The following STXBP2 variants were observed in gnomAD, a reference collection of about 807,000 sequenced individuals.
STXBP2 encodes the protein syntaxin-binding protein 2.
Under a neutral mutation model 72.2 loss-of-function variants are expected in STXBP2, and 47 were observed. That is an observed-to-expected ratio of 0.65 (90% CI 0.51 to 0.83). The LOEUF is 0.83. Ranked by LOEUF, STXBP2 falls within the 40% of genes least tolerant of loss-of-function variation. The pLI is 0.00. For missense variants in STXBP2, 702 were observed against 807.6 expected, an observed-to-expected ratio of 0.87 and a Z score of 1.58; for synonymous variants, 367 against 338.7, an observed-to-expected ratio of 1.08 and a Z score of -0.92.
In STXBP2 at chr19:7,639,621, C is replaced by T. The variant is rs544500494; in HGVS notation, c.170-110C>T. The T allele has an allele frequency of 3.9e-4, 394 of 1,002,734 alleles. 2 individuals carry two copies. The African/African-American group carries it at 5.8e-3, about 15-fold the overall frequency. The allele number at this position is 1,002,734 out of a possible 1,614,324, so 62.1% of individuals were successfully genotyped here. ...TAAGTGGGTTTCTCCTGCAGTCCCT[C>T]CTAAGCATCCACCCCTCCTCCCCAA... On this transcript the variant is annotated intron_variant, in intron 3 of 18. Coordinates refer to ENST00000221283, the MANE Select transcript of STXBP2 (RefSeq NM_006949.4).
rs568278397 is a variant in STXBP2 at position 7,645,128 on chromosome 19, C to T, written c.1247-69C>T. On this transcript the variant is annotated intron_variant, in intron 14 of 18. Transcript: ENST00000221283. Reference sequence around the variant, plus strand: ...AGAGTCCTGGGAGCTCCTCAGCCCACCCCAAACTCCCCTAAACCTGGGAGC... The same window carrying T: ...AGAGTCCTGGGAGCTCCTCAGCCCATCCCAAACTCCCCTAAACCTGGGAGC... 3.7e-5 allele frequency: 56 copies of T among 1,515,460 alleles called. No homozygotes were observed. In the African/African-American group the frequency reaches 7.2e-4, roughly 20 times the overall value. 93.9% of individuals were successfully genotyped at this position (1,515,460 alleles called of 1,614,324 possible).
upstream of STXBP2, chr19:7,633,067 C>T (rs1450057402): frequency 5.2e-6 from 7 of 1,343,896 alleles, no homozygotes; most frequent in Non-Finnish European, 5.9e-6. Flanking sequence ...CACGTGGTAC[C>T]GCTTCAAGGG....
chr19:7,635,218 C>T (rs760979120), upstream of STXBP2, among the ~76,000 whole-genome samples: 4 of 152,138 alleles, frequency 2.6e-5, no homozygotes, highest in Non-Finnish European at 4.4e-5. Flanking sequence ...GAGGGTTCCC[C>T]GCCTTCCCCT....
chr19:7,641,858 G>C lies in STXBP2; in HGVS notation c.578+5G>C, dbSNP rs909094372. ...CCCGGCCATCCGCTACCGCAAGTGG[G>C]GACCCCACCCAGCCCCACCCCGATG... On this transcript the variant is annotated splice_donor_5th_base_variant and intron_variant, in intron 7 of 18. Coordinates refer to ENST00000221283, the MANE Select transcript of STXBP2 (RefSeq NM_006949.4). The C allele has an allele frequency of 6.4e-7, 1 of 1,556,214 alleles. No homozygotes were observed. Among genetic ancestry groups the C allele is most frequent in the Non-Finnish European group, 8.7e-7 (1 of 1,150,784 alleles).
chr19:7,629,821 C>G, the STXBP2 span: 4 of 1,536,632 alleles, frequency 2.6e-6, no homozygotes, highest in South Asian at 1.2e-5. Flanking sequence ...CTTTGTTGAC[C>G]GGGAGAAACG....
At chr19:7,631,033 AC>A in the STXBP2 span, 4 of 798,154 alleles carry the variant, frequency 5.0e-6, no homozygotes, top group Non-Finnish European at 7.8e-6. Flanking sequence ...ACATGGCGAA[AC>A]CCCATGTCTA....
At chr19:7,646,170 A>T in intron 15 of STXBP2, 79 bp from the exon 16 acceptor site, 1 of 1,244,538 alleles carries the variant, frequency 8.0e-7, no homozygotes, top group Non-Finnish European at 1.1e-6. Flanking sequence ...CCACCCTACC[A>T]GCCACACCAG....
chr19:7,638,994 T>A, intron 2 of STXBP2, 25 bp from the exon 3 acceptor site: 1 of 1,613,218 alleles, frequency 6.2e-7, no homozygotes, highest in Non-Finnish European at 8.5e-7. Flanking sequence ...TGCTCCTCCA[T>A]CCATCTGTCC....
chr19:7,638,407 G>C (rs1409397396), intron 1 of STXBP2, among the ~76,000 whole-genome samples: 2 of 152,166 alleles, frequency 1.3e-5, no homozygotes, highest in East Asian at 1.9e-4. Flanking sequence ...TTTGAGACCA[G>C]CTTGGGCAAC....
Position 7,644,261 on chromosome 19 carries a change from G to C in STXBP2, c.1108-353G>C, listed in dbSNP as rs560834525. On this transcript the variant is annotated intron_variant, in intron 13 of 18. Coordinates refer to ENST00000221283, the MANE Select transcript of STXBP2 (RefSeq NM_006949.4). ...GGGTGAGGGGTGGAACCTCGGAGAGGTGGGACCTGGGTGAGGGGTGGAGCC... is the reference window on the plus strand; with the variant it reads ...GGGTGAGGGGTGGAACCTCGGAGAGCTGGGACCTGGGTGAGGGGTGGAGCC... 1.4e-3 allele frequency: 345 copies of C among 247,362 alleles called. 1 individual carries two copies. The highest frequency in any genetic ancestry group is 1.7e-3 in the Non-Finnish European group (239 of 137,426). The allele number at this position is 247,362 out of a possible 1,614,324, so 15.3% of individuals were successfully genotyped here. A position where few individuals can be genotyped will look rare whatever the true frequency, so the allele number is the denominator to read the frequency against.
At chr19:7,646,214 C>G in intron 15 of STXBP2, 35 bp from the exon 16 acceptor site, 23 of 1,560,780 alleles carry the variant, frequency 1.5e-5, no homozygotes, top group Non-Finnish European at 2.0e-5. Context: ...TCCTTCCCCT[C>G]AATCCCCCTG....
rs369185820 is a variant in STXBP2, at chr19:7,640,521, C to T, written c.247-210C>T. 3.3e-3 allele frequency: 2,191 copies of T among 672,282 alleles called. 34 individuals carry two copies. The highest frequency in any genetic ancestry group is 0.032 in the African/African-American group (1,751 of 54,690). 41.6% of individuals were successfully genotyped at this position (672,282 alleles called of 1,614,324 possible). On this transcript the variant is annotated intron_variant, in intron 4 of 18. Transcript: ENST00000221283. ...GCATCTGTGTGTGTGTGCATGTGTG[C>T]ATGCGTGTGTATGTGTGTGTGCGTG...
At chr19:7,632,969 CCT>C (rs1568459397), upstream of STXBP2, 4 of 1,468,316 alleles carry the variant, frequency 2.7e-6, no homozygotes, top group South Asian at 1.4e-5. This position sits in a 1 kb window ranked among gnomAD's most constrained non-coding sequence, Gnocchi z 5.2. Context: ...CCCCGCCGAT[CCT>C]CTCTGCAGAG....
chr19:7,644,562 TC>T lies in STXBP2; in HGVS notation c.1108-48del, dbSNP rs2032050079. On this transcript the variant is annotated intron_variant, in intron 13 of 18. Transcript: ENST00000221283. ...GGATGTCCTTGGCCCGCCTCTCCCA[TC>T]CCCTTCCCTGACACATAGCGGCCGG... 4.4e-6 allele frequency: 7 copies of T among 1,603,578 alleles called. No homozygotes were observed. The South Asian group carries it at 7.7e-5, about 18-fold the overall frequency.
rs200532899 is a variant in STXBP2 at position 7,639,137 on chromosome 19, C to T, written c.169+37C>T. On this transcript the variant is annotated intron_variant, in intron 3 of 18. Coordinates refer to ENST00000221283, the MANE Select transcript of STXBP2 (RefSeq NM_006949.4). The stretch of plus-strand genomic sequence containing the variant: ...CGTCCCCAGTGAGATGGGACCTGAG[C>T]GTGGGAACCCCTGACTGTGCCCCTC... 172 of 1,604,956 alleles carry T rather than the reference C, an allele frequency of 1.1e-4. No homozygotes were observed. The African/African-American group carries it at 1.8e-3, about 17-fold the overall frequency.
At chr19:7,641,875 A>AC in intron 7 of STXBP2, 22 bp downstream of exon 7, 1 of 379,954 alleles carries the variant, frequency 2.6e-6, no homozygotes, top group Non-Finnish European at 3.7e-6. Flanking sequence ...ACCCAGCCCC[A>AC]CCCCGATGCC....
the STXBP2 span, chr19:7,631,879 A>AG: frequency 1.5e-6 from 2 of 1,350,124 alleles, no homozygotes; most frequent in Non-Finnish European, 1.9e-6. Context: ...CGAACAATGG[A>AG]GAGAGGGTGC....
At position 7,641,629 on chromosome 19, in the gene STXBP2, G is replaced by A. The variant is rs56183260; in HGVS notation, c.430-76G>A. 13,956 of 1,543,576 alleles carry A rather than the reference G, an allele frequency of 9.0e-3. 112 individuals are homozygous for A. Among genetic ancestry groups the A allele is most frequent in the African/African-American group, 0.044 (3,202 of 72,972 alleles). Reference sequence around the variant, plus strand: ...CCAGGGACGGCTCCCAGGAGGTGCAGGTGGCGGCAGCGGGAAGCGGGGCAG... The same window carrying A: ...CCAGGGACGGCTCCCAGGAGGTGCAAGTGGCGGCAGCGGGAAGCGGGGCAG... On this transcript the variant is annotated intron_variant, in intron 6 of 18. Transcript: ENST00000221283.
intron 16 of STXBP2, 41 bp downstream of exon 16, chr19:7,646,385 T>C: frequency 6.5e-7 from 1 of 1,543,634 alleles, no homozygotes; most frequent in Non-Finnish European, 8.8e-7. Flanking sequence ...GCCCTCCGCA[T>C]CGGCTGGCGG....
Sources: allele counts gnomAD v4.1 joint callset (sites outside exome capture counted in the v4.1 genomes callset), GRCh38; gene constraint gnomAD v4.1.1; non-coding constraint Gnocchi (gnomAD v3.1); transcripts MANE v1.5; gene names NCBI Gene and HGNC (gene_info 2026-07-23, HGNC 2026-07-21).